LCORL: variants seen among roughly 807,000 people sequenced by gnomAD.
LCORL encodes ligand dependent nuclear receptor corepressor like.
A neutral mutation model predicts 141.8 loss-of-function variants in LCORL; 41 were observed. That is an observed-to-expected ratio of 0.29 (90% CI 0.23 to 0.38). The LOEUF (loss-of-function observed/expected upper bound fraction) is 0.38. Ranked by LOEUF, LCORL falls within the 10% of genes least tolerant of loss-of-function variation. The pLI is 1.00. For missense variants in LCORL, 1,759 were observed against 2,035.0 expected, an observed-to-expected ratio of 0.86 and a Z score of 2.61; for synonymous variants, 618 against 694.1, an observed-to-expected ratio of 0.89 and a Z score of 1.72.
At position 17,970,604 on chromosome 4, in the gene LCORL, C is replaced by T. The variant is rs978709481; in HGVS notation, c.220+2216G>A. On this transcript the variant is annotated intron_variant, in intron 2 of 7. Transcript: ENST00000635767. ...CAGACAGCAGCCAGGAGCCCAAGGG[C>T]TTCAATGGGCAATAAAGGCACTTTT... 3.3e-5 allele frequency among the ~76,000 whole-genome samples: 5 copies of T among 152,188 alleles called. No individual in the cohort carries two copies. The South Asian group carries it at 1.0e-3, about 32-fold the overall frequency.
At position 17,870,751 on chromosome 4, in the gene LCORL, TGC is replaced by T. The variant is rs370239240; in HGVS notation, c.5602+2635_5602+2636del. ...AAGGAACTATTTGAACCTTCCACAG[TGC>T]TTAAGAGCATATTGTAGACATTCAT... On this transcript the variant is annotated intron_variant, in intron 7 of 7. Coordinates refer to ENST00000635767, the Ensembl canonical transcript of LCORL. Among the ~76,000 whole-genome samples, 851 of 152,334 alleles carry T rather than the reference TGC, an allele frequency of 5.6e-3. 11 individuals carry two copies. The highest frequency in any genetic ancestry group is 0.02 in the African/African-American group (816 of 41,572).
At chr4:17,877,708 T>C (rs1325055282) in exon 7 of LCORL, 1 of 1,230,316 alleles carries the variant, frequency 8.1e-7, no homozygotes, top group African/African-American at 1.6e-5. Flanking sequence ...TCTTTAAGAG[T>C]GACTGAAAGA....
At chr4:17,874,451 T>G in exon 7 of LCORL, 1 of 1,233,912 alleles carries the variant, frequency 8.1e-7, no homozygotes, top group Non-Finnish European at 1.0e-6. Context: ...ACTGTGTTTC[T>G]GTTGTTTGCA....
At chr4:18,019,438 G>A (rs1336285802) in intron 1 of LCORL, among the ~76,000 whole-genome samples, 1 of 152,172 alleles carries the variant, frequency 6.6e-6, no homozygotes, top group Non-Finnish European at 1.5e-5. Context: ...AGAAGCCAGG[G>A]ACAAAATTTC....
intron 1 of LCORL, among the ~76,000 whole-genome samples, chr4:17,986,030 G>A (rs1483166858): frequency 6.6e-6 from 1 of 152,132 alleles, no homozygotes; most frequent in Non-Finnish European, 1.5e-5. Flanking sequence ...GCTTAGTTTG[G>A]CTGGATATAA....
At chr4:17,931,671 C>T (rs542263453) in intron 4 of LCORL, among the ~76,000 whole-genome samples, 29 of 151,744 alleles carry the variant, frequency 1.9e-4, no homozygotes, top group Non-Finnish European at 3.5e-4. Context: ...TGAAAAAATG[C>T]TTTTTGTATT....
At chr4:17,909,622 G>A (rs536356745) in intron 4 of LCORL, among the ~76,000 whole-genome samples, 8 of 151,902 alleles carry the variant, frequency 5.3e-5, no homozygotes, top group African/African-American at 9.6e-5. Context: ...ACATAGAAGC[G>A]GAACAACTTA....
chr4:17,921,911 C>T (rs1473117059), intron 4 of LCORL, among the ~76,000 whole-genome samples: 4 of 152,176 alleles, frequency 2.6e-5, no homozygotes, highest in South Asian at 2.1e-4. Flanking sequence ...TTCCTGCCCT[C>T]GAACATCAAA....
intron 4 of LCORL, among the ~76,000 whole-genome samples, chr4:17,941,886 A>G (rs909965162): frequency 1.3e-5 from 2 of 151,006 alleles, no homozygotes; most frequent in Non-Finnish European, 2.9e-5. Context: ...AGCAGTGATG[A>G]CACTTGCTAT....
chr4:17,842,440 GA>G, exon 8 of LCORL: 2 of 1,362,504 alleles, frequency 1.5e-6, no homozygotes, highest in African/African-American at 1.4e-5. Flanking sequence ...TCTACAAGTA[GA>G]AAAAAACTAA....
intron 1 of LCORL, among the ~76,000 whole-genome samples, chr4:18,009,788 C>T (rs978764331): frequency 6.6e-6 from 1 of 151,932 alleles, no homozygotes; most frequent in African/African-American, 2.4e-5. Flanking sequence ...CAATACCCTG[C>T]CTTAGCATGC....
intron 1 of LCORL, among the ~76,000 whole-genome samples, chr4:18,019,542 G>A (rs574733103): frequency 1.3e-5 from 2 of 152,258 alleles, no homozygotes; most frequent in East Asian, 3.9e-4. Flanking sequence ...GAATATACAA[G>A]TAGGTAAGGC....
In LCORL at chr4:18,021,577, C is replaced by T. The variant is rs1218062338; in HGVS notation, c.154+21G>A. ...GCGGTCGCCGCGCGGAGCCCGGGGC[C>T]CCGGCCCGCGTCTCTCTTACCTACA... On this transcript the variant is annotated intron_variant, in intron 1 of 7. Transcript: ENST00000635767. The surrounding 1 kb of genome is among the most constrained non-coding windows in gnomAD (Gnocchi z 5.5). 1.8e-5 allele frequency: 27 copies of T among 1,513,150 alleles called. No homozygotes were observed. Among genetic ancestry groups the T allele is most frequent in the Non-Finnish European group, 2.2e-5 (25 of 1,131,868 alleles). 93.7% of individuals were successfully genotyped at this position (1,513,150 alleles called of 1,614,324 possible). A position where few individuals can be genotyped will look rare whatever the true frequency, so the allele number is the denominator to read the frequency against.
chr4:18,009,907 C>G (rs1187056236), intron 1 of LCORL, among the ~76,000 whole-genome samples: 2 of 152,186 alleles, frequency 1.3e-5, no homozygotes, highest in African/African-American at 4.8e-5. Flanking sequence ...CGATGTGGCT[C>G]TGCCTCCCAC....
intron 1 of LCORL, among the ~76,000 whole-genome samples, chr4:18,004,753 T>G (rs1367806678): frequency 6.6e-6 from 1 of 152,122 alleles, no homozygotes; most frequent in Non-Finnish European, 1.5e-5. Flanking sequence ...GTCCCACATC[T>G]CATCTAAGGC....
chr4:17,869,647 T>C (rs1216888952), intron 7 of LCORL, among the ~76,000 whole-genome samples: 1 of 152,174 alleles, frequency 6.6e-6, no homozygotes, highest in African/African-American at 2.4e-5. Context: ...AATCTTACAA[T>C]GAGTAATCTC....
chr4:17,911,879 G>C (rs1425646882), intron 4 of LCORL: 4 of 479,026 alleles, frequency 8.4e-6, no homozygotes, highest in Non-Finnish European at 1.6e-5. Context: ...GGGATGGCCG[G>C]GGGTCTGGCA....
At chr4:17,941,832 G>A (rs1251371142) in intron 4 of LCORL, among the ~76,000 whole-genome samples, 1 of 148,352 alleles carries the variant, frequency 6.7e-6, no homozygotes, top group Non-Finnish European at 1.5e-5. Context: ...TTGGAATGCT[G>A]AATCATTTCC....
At chr4:17,881,359 G>C in intron 6 of LCORL, 14 of 981,390 alleles carry the variant, frequency 1.4e-5, no homozygotes, top group Non-Finnish European at 1.7e-5. Context: ...CTGGGGAGAA[G>C]GGGAATTTCC....
Sources: allele counts gnomAD v4.1 joint callset (sites outside exome capture counted in the v4.1 genomes callset), GRCh38; gene constraint gnomAD v4.1.1; non-coding constraint Gnocchi (gnomAD v3.1); transcripts MANE v1.5; gene names NCBI Gene and HGNC (gene_info 2026-07-23, HGNC 2026-07-21).